Variants in SYCE3 observed in about 807,000 individuals in gnomAD.
The protein encoded by SYCE3 is testis highly expressed gene 2 protein.
A neutral mutation model predicts 8.1 loss-of-function variants in SYCE3; 3 were observed. The ratio of observed to expected loss-of-function variants is 0.37; its 90% CI spans 0.17 to 0.96. SYCE3 has a LOEUF of 0.96. Ranked by LOEUF, SYCE3 falls within the 40% of genes least tolerant of loss-of-function variation. The pLI, the probability that SYCE3 is intolerant of heterozygous loss-of-function variation, is 0.41. For synonymous variants in SYCE3, 36 were observed against 38.7 expected, an observed-to-expected ratio of 0.93 and a Z score of 0.26; for missense variants, 83 against 110.0, an observed-to-expected ratio of 0.75 and a Z score of 1.10.
intron 1 of SYCE3, among the ~76,000 whole-genome samples, chr22:50,557,830 G>A (rs889299569): frequency 1.1e-4 from 17 of 152,138 alleles, no homozygotes; most frequent in African/African-American, 4.1e-4. Context: ...CAGATGCTGC[G>A]GTATTGTTCC....
At chr22:50,554,723 G>A (rs551371170) in intron 2 of SYCE3, among the ~76,000 whole-genome samples, 7 of 150,218 alleles carry the variant, frequency 4.7e-5, no homozygotes, top group South Asian at 2.1e-4. Context: ...GGCCAGGCGC[G>A]GTGGCTCACA....
At chr22:50,560,152 G>A (rs1053643021) in intron 1 of SYCE3, among the ~76,000 whole-genome samples, 2 of 152,146 alleles carry the variant, frequency 1.3e-5, no homozygotes, top group African/African-American at 2.4e-5. Flanking sequence ...AGTCACAGGG[G>A]TATTTTATTT....
At position 50,562,879 on chromosome 22, in the gene SYCE3, G is replaced by T. The variant is rs1461724372; in HGVS notation, c.-22C>A. The T allele has an allele frequency of 6.6e-6, 1 of 152,186 alleles. No homozygotes were observed. Among genetic ancestry groups the T allele is most frequent in the African/African-American group, 2.4e-5 (1 of 41,372 alleles). 9.4% of individuals were successfully genotyped at this position (152,186 alleles called of 1,614,324 possible). On this transcript the variant is annotated 5_prime_UTR_variant, in exon 1 of 3. Coordinates refer to ENST00000406915, the MANE Select transcript of SYCE3 (RefSeq NM_001123225.3). ...TCACCTCCAGCTTGGCCCGCGCTCC[G>T]GTCCTGCTCTGGCGCCCCCAGCGGC...
chr22:50,551,177 C>G lies in SYCE3; in HGVS notation c.*68G>C. ...ATACAGCTATTCATGTGGGTGCCAG[C>G]TCCATCCCCCAGTGACCTCTTCATA... On this transcript the variant is annotated 3_prime_UTR_variant, in exon 3 of 3. Coordinates refer to ENST00000406915, the MANE Select transcript of SYCE3 (RefSeq NM_001123225.3). 1 of 1,526,146 alleles carries G rather than the reference C, an allele frequency of 6.6e-7. No individual in the cohort carries two copies. The highest frequency in any genetic ancestry group is 8.9e-7 in the Non-Finnish European group (1 of 1,129,762). 94.5% of individuals were successfully genotyped at this position (1,526,146 alleles called of 1,614,324 possible).
intron 2 of SYCE3, among the ~76,000 whole-genome samples, chr22:50,555,953 C>A (rs1356090537): frequency 6.6e-6 from 1 of 152,020 alleles, no homozygotes; most frequent in Non-Finnish European, 1.5e-5. Context: ...GCCACCACAC[C>A]CAGCTAATTT....
intron 1 of SYCE3, among the ~76,000 whole-genome samples, chr22:50,561,305 C>A (rs1484876569): frequency 6.6e-6 from 1 of 151,948 alleles, no homozygotes; most frequent in East Asian, 1.9e-4. Flanking sequence ...GCCGGAGTGG[C>A]ACTGGATCTC....
intron 2 of SYCE3, among the ~76,000 whole-genome samples, chr22:50,555,459 A>C (rs1294217437): frequency 6.6e-6 from 1 of 152,120 alleles, no homozygotes; most frequent in African/African-American, 2.4e-5. Flanking sequence ...GGAGAAGGAG[A>C]AATTGGGTAT....
chr22:50,556,148 A>G, intron 2 of SYCE3, 149 bp downstream of exon 2: 1 of 603,338 alleles, frequency 1.7e-6, no homozygotes. Flanking sequence ...CCTAAAATGT[A>G]TAAAAGCAAG....
At chr22:50,551,626 A>G (rs922573753) in intron 2 of SYCE3, among the ~76,000 whole-genome samples, 2 of 152,256 alleles carry the variant, frequency 1.3e-5, no homozygotes, top group Non-Finnish European at 2.9e-5. Flanking sequence ...CATGCAAGGC[A>G]TAACTTCTGG....
intron 1 of SYCE3, among the ~76,000 whole-genome samples, chr22:50,561,767 G>C (rs1040321810): frequency 6.6e-6 from 1 of 151,692 alleles, no homozygotes; most frequent in Non-Finnish European, 1.5e-5. Flanking sequence ...TGTACGGGAT[G>C]AGAGCAGCAC....
intron 1 of SYCE3, 121 bp from the exon 2 acceptor site, chr22:50,556,526 T>C (rs1226084252): frequency 5.8e-6 from 4 of 693,488 alleles, no homozygotes; most frequent in African/African-American, 1.8e-5. Context: ...ATTCAGACAA[T>C]ACCACGTACT....
intron 1 of SYCE3, among the ~76,000 whole-genome samples, chr22:50,559,417 A>G (rs968262147): frequency 6.6e-6 from 1 of 152,174 alleles, no homozygotes; most frequent in Non-Finnish European, 1.5e-5. Context: ...GTGAGCCACT[A>G]TGCCTGGCCA....
rs1354504074 is a variant in SYCE3, at chr22:50,551,391, A to G, written c.121T>C (p.Trp41Arg). The change falls in exon 3 of 3, where the codon TGG becomes CGG. Residue 41 changes from tryptophan to arginine, a missense_variant. Transcript: ENST00000406915. ...EMEKISVQATWMAYDMVVMRT... is the reference protein window; with the variant it reads ...EMEKISVQATRMAYDMVVMRT... ...ATCACCACCATGTCATAGGCCATCC[A>G]GGTCGCCTGCACTGCAACAAGCAGA... The G allele has an allele frequency of 2.6e-6, 4 of 1,549,722 alleles. No individual in the cohort carries two copies. The African/African-American group carries it at 5.5e-5, about 21-fold the overall frequency.
chr22:50,561,145 C>A (rs888776877), intron 1 of SYCE3, among the ~76,000 whole-genome samples: 1 of 151,982 alleles, frequency 6.6e-6, no homozygotes, highest in Admixed American at 6.6e-5. Context: ...ACACTGAGAG[C>A]ACAAGTATGA....
intron 1 of SYCE3, among the ~76,000 whole-genome samples, chr22:50,561,732 T>C (rs2069920244): frequency 6.6e-6 from 1 of 151,830 alleles, no homozygotes; most frequent in Admixed American, 6.5e-5. Context: ...ATAAGAGGGA[T>C]GCTTGGTGCA....
At chr22:50,554,194 CAAA>C (rs397954769) in intron 2 of SYCE3, among the ~76,000 whole-genome samples, 2 of 108,576 alleles carry the variant, frequency 1.8e-5, no homozygotes, top group Non-Finnish European at 2.0e-5. Flanking sequence ...GACTCTGTCT[CAAA>C]AAAAAAAAAA....
chr22:50,558,356 G>A (rs1369939003), intron 1 of SYCE3, among the ~76,000 whole-genome samples: 1 of 152,032 alleles, frequency 6.6e-6, no homozygotes, highest in Non-Finnish European at 1.5e-5. Flanking sequence ...GCTTGAACCC[G>A]GGAGGTGGAG....
chr22:50,561,448 G>C (rs1044481442), intron 1 of SYCE3, among the ~76,000 whole-genome samples: 2 of 150,014 alleles, frequency 1.3e-5, no homozygotes, highest in Non-Finnish European at 3.0e-5. Flanking sequence ...GGAACGGGTG[G>C]AGAAAGAGGC....
chr22:50,555,621 G>A (rs952088403), intron 2 of SYCE3, among the ~76,000 whole-genome samples: 3 of 151,966 alleles, frequency 2.0e-5, no homozygotes, highest in African/African-American at 7.3e-5. Flanking sequence ...TAAAACTCTG[G>A]TCTCCACAAC....
Sources: gnomAD v4.1 joint callset for allele counts (sites outside exome capture counted in the v4.1 genomes callset) on GRCh38, gnomAD v4.1.1 for gene constraint, MANE v1.5 for transcripts, NCBI Gene and HGNC (gene_info 2026-07-23, HGNC 2026-07-21) for gene names.